The following MCC variants were observed in gnomAD, a reference collection of about 807,000 sequenced individuals.
The protein encoded by MCC is MCC regulator of Wnt signaling pathway.
In MCC, 90 loss-of-function variants were observed where a neutral mutation model predicts 116.2. The observed-to-expected ratio is 0.77, with a 90% CI of 0.65 to 0.92. The LOEUF is 0.92. Ranked by LOEUF, MCC falls within the 40% of genes least tolerant of loss-of-function variation. The pLI is 0.00. For missense variants in MCC, 1,516 were observed against 1,312.2 expected, an observed-to-expected ratio of 1.16 and a Z score of -2.40; for synonymous variants, 578 against 510.5, an observed-to-expected ratio of 1.13 and a Z score of -1.78.
At chr5:113,124,981 C>T (rs1447823995) in intron 5 of MCC, among the ~76,000 whole-genome samples, 1 of 152,156 alleles carries the variant, frequency 6.6e-6, no homozygotes, top group South Asian at 2.1e-4. Flanking sequence ...ATTTCAGTTA[C>T]GTCACAAGTG....
chr5:113,387,145 C>T (rs2150394214), intron 1 of MCC, among the ~76,000 whole-genome samples: 1 of 152,216 alleles, frequency 6.6e-6, no homozygotes, highest in African/African-American at 2.4e-5. Context: ...TGTATCTAGC[C>T]TGGGTCTCAA....
chr5:113,120,763 G>C (rs1757689497), intron 6 of MCC, among the ~76,000 whole-genome samples: 1 of 152,186 alleles, frequency 6.6e-6, no homozygotes, highest in South Asian at 2.1e-4. Flanking sequence ...ATGGGGCAAT[G>C]ACAGAGTCAA....
chr5:113,136,614 T>C (rs1037197021), intron 5 of MCC, among the ~76,000 whole-genome samples: 2 of 152,216 alleles, frequency 1.3e-5, no homozygotes, highest in African/African-American at 4.8e-5. Flanking sequence ...TTTGTAGCTA[T>C]TGTAAATGGA....
chr5:113,250,391 G>A (rs776361120), intron 3 of MCC, among the ~76,000 whole-genome samples: 60 of 152,190 alleles, frequency 3.9e-4, no homozygotes, highest in Non-Finnish European at 7.1e-4. Context: ...AGGAGATGTA[G>A]GAAAAACTTG....
intron 3 of MCC, among the ~76,000 whole-genome samples, chr5:113,195,120 G>T (rs969176095): frequency 6.6e-6 from 1 of 152,224 alleles, no homozygotes; most frequent in African/African-American, 2.4e-5. Flanking sequence ...GAAGGGAACA[G>T]TAAAGGAAGC....
chr5:113,447,202 A>G (rs1387256376), intron 1 of MCC, among the ~76,000 whole-genome samples: 1 of 152,206 alleles, frequency 6.6e-6, no homozygotes, highest in African/African-American at 2.4e-5. Context: ...TTTTTAAAGT[A>G]TGTGTATTGC....
At chr5:113,147,229 C>T (rs1036788810) in intron 4 of MCC, among the ~76,000 whole-genome samples, 5 of 152,134 alleles carry the variant, frequency 3.3e-5, no homozygotes, top group Non-Finnish European at 5.9e-5. Flanking sequence ...CAAGCAACAT[C>T]GTCATTTCAA....
At chr5:113,167,365 C>A (rs1471810446) in intron 3 of MCC, among the ~76,000 whole-genome samples, 4 of 152,162 alleles carry the variant, frequency 2.6e-5, no homozygotes, top group Middle Eastern at 3.2e-3. Flanking sequence ...TGTGCTTCAG[C>A]CTGGGAGCTA....
intron 1 of MCC, among the ~76,000 whole-genome samples, chr5:113,445,011 G>T (rs1417413767): frequency 6.6e-6 from 1 of 152,198 alleles, no homozygotes; most frequent in African/African-American, 2.4e-5. Flanking sequence ...CAGACACAAT[G>T]CAGTCTCTTA....
chr5:113,283,119 T>C (rs575780286), intron 3 of MCC, among the ~76,000 whole-genome samples: 138 of 152,388 alleles, frequency 9.1e-4, no homozygotes, highest in African/African-American at 3.2e-3. Context: ...GGAGCCTTCC[T>C]GGGCTTGGGC....
chr5:113,132,408 A>G (rs1758494083), intron 5 of MCC, among the ~76,000 whole-genome samples: 1 of 118,358 alleles, frequency 8.4e-6, no homozygotes, highest in African/African-American at 3.7e-5. Flanking sequence ...ACATACATAC[A>G]TATATATATA....
At chr5:113,276,723 C>T (rs543091146) in intron 3 of MCC, among the ~76,000 whole-genome samples, 1 of 152,144 alleles carries the variant, frequency 6.6e-6, no homozygotes, top group Admixed American at 6.5e-5. Flanking sequence ...ACTTTCCAGG[C>T]TCAAGTGATC....
chr5:113,067,852 A>G (rs1278429526), intron 13 of MCC, among the ~76,000 whole-genome samples: 11 of 152,242 alleles, frequency 7.2e-5, no homozygotes, highest in Non-Finnish European at 1.2e-4. Flanking sequence ...TGCAGCTCCT[A>G]AGAAGTCTTG....
At chr5:113,248,618 G>A (rs557295128) in intron 3 of MCC, among the ~76,000 whole-genome samples, 64 of 152,124 alleles carry the variant, frequency 4.2e-4, no homozygotes, top group African/African-American at 1.4e-3. Context: ...TTGAAACCCC[G>A]GTTGACCCTC....
intron 1 of MCC, among the ~76,000 whole-genome samples, chr5:113,393,214 G>C (rs535887177): frequency 6.6e-5 from 10 of 152,142 alleles, no homozygotes; most frequent in African/African-American, 2.2e-4. Context: ...AAGAGCTGTG[G>C]ACAAATATAA....
At position 113,195,216 on chromosome 5, in the gene MCC, C is replaced by G. The variant is rs111544457; in HGVS notation, c.628-43794G>C. 5.3e-5 allele frequency among the ~76,000 whole-genome samples: 8 copies of G among 152,344 alleles called. No individual in the cohort carries two copies. The South Asian group carries it at 1.7e-3, about 32-fold the overall frequency. On this transcript the variant is annotated intron_variant, in intron 3 of 18. Coordinates refer to ENST00000408903, the MANE Select transcript of MCC (RefSeq NM_001085377.2). ...GGGTCGATCAATATCCATGCTGCAA[C>G]AGCAGCATTCTCAACAGTGTGTGCT...
intron 7 of MCC, among the ~76,000 whole-genome samples, chr5:113,102,903 G>C (rs1756510902): frequency 6.6e-6 from 1 of 152,100 alleles, no homozygotes; most frequent in Non-Finnish European, 1.5e-5. Context: ...ATCACCTGAG[G>C]TCAGGAGTTC....
intron 3 of MCC, among the ~76,000 whole-genome samples, chr5:113,156,206 A>G (rs890202691): frequency 7.2e-5 from 11 of 152,198 alleles, no homozygotes; most frequent in Non-Finnish European, 1.5e-4. Context: ...AGCGCTATGA[A>G]GTTGAGAGTT....
intron 4 of MCC, among the ~76,000 whole-genome samples, chr5:113,143,896 T>C (rs1455287745): frequency 1.3e-5 from 2 of 152,198 alleles, no homozygotes; most frequent in Non-Finnish European, 1.5e-5. Flanking sequence ...GTTTCAGCTA[T>C]TTTTCAACCA....
Sources: gnomAD v4.1 joint callset for allele counts (sites outside exome capture counted in the v4.1 genomes callset) on GRCh38, gnomAD v4.1.1 for gene constraint, MANE v1.5 for transcripts, NCBI Gene and HGNC (gene_info 2026-07-23, HGNC 2026-07-21) for gene names.